The following BICD1 variants were observed in gnomAD, a reference collection of about 807,000 sequenced individuals.
BICD1 encodes BICD cargo adaptor 1.
BICD1 carries 35 observed loss-of-function variants against 92.5 expected under a neutral mutation model. That is an observed-to-expected ratio of 0.38 (90% CI 0.29 to 0.50). BICD1 has a LOEUF of 0.50. BICD1 is among the 20% of genes least tolerant of loss of function. BICD1 has a pLI of 0.93. For synonymous variants in BICD1, 429 were observed against 465.1 expected, an observed-to-expected ratio of 0.92 and a Z score of 1.00; for missense variants, 950 against 1,189.8, an observed-to-expected ratio of 0.80 and a Z score of 2.97.
chr12:32,128,011 C>T (rs1461780138), intron 1 of BICD1, among the ~76,000 whole-genome samples: 1 of 151,522 alleles, frequency 6.6e-6, no homozygotes, highest in Non-Finnish European at 1.5e-5. Flanking sequence ...TCCAGTGATT[C>T]TCCTGCCTCA....
intron 1 of BICD1, among the ~76,000 whole-genome samples, chr12:32,127,628 A>C (rs1942390387): frequency 6.6e-6 from 1 of 152,320 alleles, no homozygotes; most frequent in South Asian, 2.1e-4. Context: ...GTTCTTCCCC[A>C]GGAGTCACTG....
chr12:32,337,451 C>A lies in BICD1; in HGVS notation c.2253-48C>A. The A allele has an allele frequency of 1.3e-6, 2 of 1,541,498 alleles. No individual in the cohort carries two copies. The highest frequency in any genetic ancestry group is 1.2e-5 in the South Asian group (1 of 83,322). ...TACTTTTCAGCTTAACTCCCAAATT[C>A]AGTTTCACCAAGATTTTCCTCTGAC... On this transcript the variant is annotated intron_variant, in intron 6 of 9. Coordinates refer to ENST00000652176, the MANE Select transcript of BICD1 (RefSeq NM_001714.4). This position sits in a 1 kb window ranked among gnomAD's most constrained non-coding sequence, Gnocchi z 4.7.
chr12:32,274,890 G>T (rs1565634573), intron 2 of BICD1, among the ~76,000 whole-genome samples: 2 of 152,020 alleles, frequency 1.3e-5, no homozygotes. Flanking sequence ...CTGTAAAATG[G>T]GACTAATAAT....
chr12:32,332,552 C>A, intron 5 of BICD1: 2 of 669,940 alleles, frequency 3.0e-6, no homozygotes, highest in Non-Finnish European at 3.7e-6. Flanking sequence ...AACACATGGT[C>A]CCTGCCTTCC....
At chr12:32,171,922 A>G (rs1372405066) in intron 1 of BICD1, among the ~76,000 whole-genome samples, 1 of 150,378 alleles carries the variant, frequency 6.6e-6, no homozygotes, top group East Asian at 2.0e-4. Flanking sequence ...TAACAAAGCA[A>G]GACTTGGTCT....
At chr12:32,357,055 A>C in intron 8 of BICD1, among the ~76,000 whole-genome samples, 1 of 137,164 alleles carries the variant, frequency 7.3e-6, no homozygotes, top group African/African-American at 2.7e-5. Context: ...CTTGTTGCCC[A>C]AGCTGGAGTG....
intron 1 of BICD1, among the ~76,000 whole-genome samples, chr12:32,196,634 T>G (rs896155340): frequency 1.3e-5 from 2 of 152,142 alleles, no homozygotes; most frequent in Non-Finnish European, 2.9e-5. Context: ...GGTGAGGGAT[T>G]AGGGGAGATA....
chr12:32,238,854 G>GAA, intron 2 of BICD1, among the ~76,000 whole-genome samples: 1 of 149,406 alleles, frequency 6.7e-6, no homozygotes, highest in Middle Eastern at 3.4e-3. Flanking sequence ...TGAGGCAGGA[G>GAA]AATCGATTGA....
chr12:32,318,155 A>C (rs1350183228), intron 4 of BICD1, among the ~76,000 whole-genome samples: 2 of 152,092 alleles, frequency 1.3e-5, no homozygotes, highest in Non-Finnish European at 2.9e-5. Flanking sequence ...TGATGCCTCC[A>C]GCTTTGTTCT....
intron 1 of BICD1, among the ~76,000 whole-genome samples, chr12:32,209,342 CA>C (rs1204517580): frequency 7.9e-5 from 12 of 152,016 alleles, no homozygotes; most frequent in South Asian, 2.1e-4. Flanking sequence ...GGGATAAACA[CA>C]AAAAAATGCA....
At chr12:32,242,380 AG>A (rs1946262359) in intron 2 of BICD1, among the ~76,000 whole-genome samples, 1 of 152,024 alleles carries the variant, frequency 6.6e-6, no homozygotes, top group South Asian at 2.1e-4. Flanking sequence ...AAAACAAATT[AG>A]CTGGGCATGG....
intron 3 of BICD1, among the ~76,000 whole-genome samples, chr12:32,301,443 A>G (rs753248807): frequency 3.3e-5 from 5 of 152,058 alleles, no homozygotes; most frequent in Non-Finnish European, 7.4e-5. Context: ...TCAAATGACC[A>G]CAAGCAGCTT....
rs1938242083 is a variant in BICD1 at position 32,338,883 on chromosome 12, A to T, written c.2668A>T (p.Thr890Ser). The T allele has an allele frequency of 1.1e-5, 17 of 1,610,078 alleles. No homozygotes were observed. The highest frequency in any genetic ancestry group is 1.4e-5 in the Non-Finnish European group (17 of 1,178,532). The change falls in exon 8 of 10, where the codon ACA becomes TCA. Residue 890 changes from threonine to serine, a missense_variant. This residue lies in a region of BICD1 where 179 missense variants were observed against 186.7 expected (regional missense o/e 0.96). Transcript: ENST00000652176. ...AAGAGTTCCCCCTGATCCCACCTCC[A>T]CAGAATCATTTCTTCTGAAGGGCCC... Reference protein sequence around the residue: ...LLRVPPDPTSTESFLLKGPPS... With the variant: ...LLRVPPDPTSSESFLLKGPPS...
At chr12:32,120,887 GAGAGAGAGA>G (rs756885584) in intron 1 of BICD1, among the ~76,000 whole-genome samples, 5 of 46,480 alleles carry the variant, frequency 1.1e-4, no homozygotes, top group Admixed American at 3.1e-4. Context: ...GAGAGAGAGA[GAGAGAGAGA>G]AAAAAAAAAG....
At chr12:32,265,736 CAAAAA>C (rs1946978451) in intron 2 of BICD1, among the ~76,000 whole-genome samples, 1 of 136,174 alleles carries the variant, frequency 7.3e-6, no homozygotes, top group East Asian at 2.2e-4. Context: ...AAAAAAAAGA[CAAAAA>C]GAAAAGAAAA....
intron 2 of BICD1, among the ~76,000 whole-genome samples, chr12:32,221,965 A>G (rs1945545324): frequency 2.0e-5 from 3 of 152,186 alleles, no homozygotes; most frequent in African/African-American, 4.8e-5. Flanking sequence ...GGTATAATAT[A>G]CTAGAAGATA....
At chr12:32,327,421 T>C (rs202115940) in intron 4 of BICD1, 40 bp from the exon 5 acceptor site, 18 of 1,548,418 alleles carry the variant, frequency 1.2e-5, no homozygotes, top group Non-Finnish European at 1.5e-5. Flanking sequence ...TCATTGGTGC[T>C]GCCTTGAGGT....
rs1447242651 is a variant in BICD1, at chr12:32,169,585, C to T, written c.214-46662C>T. Among the ~76,000 whole-genome samples the T allele has an allele frequency of 2.6e-5, 4 of 151,722 alleles. No individual in the cohort carries two copies. In the South Asian group the frequency reaches 6.3e-4, roughly 24 times the overall value. ...TGAGCCACTGTGCCCAGCCTGGACCCATTTTATATACTAGACTTTTCTAGA... is the reference window on the plus strand; with the variant it reads ...TGAGCCACTGTGCCCAGCCTGGACCTATTTTATATACTAGACTTTTCTAGA... On this transcript the variant is annotated intron_variant, in intron 1 of 9. Coordinates refer to ENST00000652176, the MANE Select transcript of BICD1 (RefSeq NM_001714.4).
chr12:32,159,070 A>G (rs1295820739), intron 1 of BICD1, among the ~76,000 whole-genome samples: 1 of 152,124 alleles, frequency 6.6e-6, no homozygotes. Context: ...AGTAGCTGGA[A>G]TTACAGTCGC....
Sources: gnomAD v4.1 joint callset for allele counts (sites outside exome capture counted in the v4.1 genomes callset) on GRCh38, gnomAD v4.1.1 for gene constraint, gnomAD v4.1.1 regional missense constraint, Gnocchi (gnomAD v3.1) non-coding constraint, MANE v1.5 for transcripts, NCBI Gene and HGNC (gene_info 2026-07-23, HGNC 2026-07-21) for gene names.